The following RANBP17 variants were observed in gnomAD, a reference collection of about 807,000 sequenced individuals.
RANBP17 encodes RAN binding protein 17, also known as ran-binding protein 17.
RANBP17 carries 158 observed loss-of-function variants against 141.2 expected under a neutral mutation model. The observed-to-expected ratio is 1.12, with a 90% CI of 0.98 to 1.28. The LOEUF (loss-of-function observed/expected upper bound fraction) is 1.28, where lower values mean the gene tolerates loss of function less well. RANBP17 is among the 50% of genes most tolerant of loss of function. The probability of loss-of-function intolerance (pLI) is 0.00; values close to 1 mark genes in which losing one functional copy is unlikely to be tolerated. For synonymous variants in RANBP17, 430 were observed against 450.0 expected, an observed-to-expected ratio of 0.96 and a Z score of 0.56; for missense variants, 1,438 against 1,290.7, an observed-to-expected ratio of 1.11 and a Z score of -1.75.
chr5:170,998,643 C>G (rs992284354), intron 14 of RANBP17, among the ~76,000 whole-genome samples: 1 of 152,062 alleles, frequency 6.6e-6, no homozygotes, highest in African/African-American at 2.4e-5. Flanking sequence ...AAAAATAGAC[C>G]TACTGACTAG....
intron 14 of RANBP17, among the ~76,000 whole-genome samples, chr5:171,062,859 C>CT (rs1227503622): frequency 1.3e-5 from 2 of 151,904 alleles, no homozygotes; most frequent in Non-Finnish European, 2.9e-5. Flanking sequence ...TTGTTCGTTT[C>CT]TTTTTATTCT....
At chr5:171,083,560 T>C (rs1434771366) in intron 14 of RANBP17, among the ~76,000 whole-genome samples, 3 of 152,324 alleles carry the variant, frequency 2.0e-5, no homozygotes, top group African/African-American at 4.8e-5. Flanking sequence ...ACTGTGCATG[T>C]CAACTTCTAC....
At chr5:170,958,640 T>C (rs1473187575) in intron 13 of RANBP17, among the ~76,000 whole-genome samples, 1 of 152,166 alleles carries the variant, frequency 6.6e-6, no homozygotes, top group Non-Finnish European at 1.5e-5. Context: ...CTATAAGTTA[T>C]ATATAATAGC....
At chr5:171,099,610 G>C (rs1402251581) in intron 14 of RANBP17, among the ~76,000 whole-genome samples, 1 of 151,940 alleles carries the variant, frequency 6.6e-6, no homozygotes, top group Admixed American at 6.6e-5. Context: ...CTCTTGCCTG[G>C]TTGCCCTGGC....
intron 14 of RANBP17, among the ~76,000 whole-genome samples, chr5:170,971,522 T>C (rs969022697): frequency 6.6e-6 from 1 of 152,210 alleles, no homozygotes; most frequent in African/African-American, 2.4e-5. Flanking sequence ...ACCACTTTGG[T>C]ATATTGCCTC....
intron 14 of RANBP17, among the ~76,000 whole-genome samples, chr5:171,079,197 C>G (rs1785115738): frequency 6.6e-6 from 1 of 152,146 alleles, no homozygotes; most frequent in African/African-American, 2.4e-5. Flanking sequence ...GTGGTTGAAA[C>G]AGCAAGAGAC....
intron 5 of RANBP17, among the ~76,000 whole-genome samples, chr5:170,909,335 G>A (rs976535296): frequency 9.2e-5 from 14 of 151,778 alleles, no homozygotes; most frequent in African/African-American, 3.1e-4. Context: ...TTATCTTGGA[G>A]ATTTCTCATT....
intron 14 of RANBP17, among the ~76,000 whole-genome samples, chr5:171,039,392 TG>T (rs2127632176): frequency 6.6e-6 from 1 of 152,216 alleles, no homozygotes; most frequent in Admixed American, 6.6e-5. Flanking sequence ...GAAAAGTGTC[TG>T]TTCATGTCTT....
intron 24 of RANBP17, among the ~76,000 whole-genome samples, chr5:171,262,927 C>G (rs1159645058): frequency 6.6e-6 from 1 of 152,160 alleles, no homozygotes; most frequent in African/African-American, 2.4e-5. Context: ...ATGCATACGA[C>G]TGTATTTCAA....
intron 14 of RANBP17, among the ~76,000 whole-genome samples, chr5:171,153,368 C>T (rs1758623650): frequency 6.6e-6 from 1 of 151,952 alleles, no homozygotes; most frequent in African/African-American, 2.4e-5. Context: ...TAGTGGCACT[C>T]TTTTTTTTGT....
At chr5:171,215,069 A>ATCCCCCG (rs1561771188) in intron 21 of RANBP17, among the ~76,000 whole-genome samples, 1 of 146,126 alleles carries the variant, frequency 6.8e-6, no homozygotes, top group Non-Finnish European at 1.5e-5. Flanking sequence ...CCCATCCCCC[A>ATCCCCCG]ACAGGCCCCG....
intron 6 of RANBP17, 178 bp downstream of exon 6, chr5:170,909,943 T>A (rs1011626557): frequency 4.4e-6 from 2 of 459,716 alleles, no homozygotes; most frequent in Non-Finnish European, 7.6e-6. Flanking sequence ...TCACTTTTAC[T>A]CACTGGGCAT....
chr5:171,179,789 G>C (rs1760763419), intron 16 of RANBP17, among the ~76,000 whole-genome samples: 1 of 152,028 alleles, frequency 6.6e-6, no homozygotes, highest in South Asian at 2.1e-4. Context: ...TGGTGTTTTA[G>C]ATTTGATTAA....
At chr5:171,163,295 A>G (rs1759472701) in intron 14 of RANBP17, among the ~76,000 whole-genome samples, 1 of 152,226 alleles carries the variant, frequency 6.6e-6, no homozygotes, top group East Asian at 1.9e-4. Context: ...ATATACAGCA[A>G]TGATGTTTGT....
chr5:170,918,600 G>A, intron 9 of RANBP17, 113 bp from the exon 10 acceptor site: 6 of 720,754 alleles, frequency 8.3e-6, no homozygotes, highest in East Asian at 3.0e-5. Context: ...TTGACACAGA[G>A]TATTTTAAGT....
chr5:171,147,540 C>G (rs1447116869), intron 14 of RANBP17, among the ~76,000 whole-genome samples: 3 of 151,394 alleles, frequency 2.0e-5, no homozygotes, highest in East Asian at 3.9e-4. Context: ...CTCAGCCTTC[C>G]GAGTAGCTGG....
chr5:171,129,469 C>T (rs1250868100), intron 14 of RANBP17, among the ~76,000 whole-genome samples: 1 of 152,142 alleles, frequency 6.6e-6, no homozygotes, highest in African/African-American at 2.4e-5. Flanking sequence ...GTATTGCCAC[C>T]ACTCGCTTCA....
intron 3 of RANBP17, among the ~76,000 whole-genome samples, chr5:170,886,491 T>C (rs537980421): frequency 2.9e-4 from 44 of 152,276 alleles, no homozygotes; most frequent in African/African-American, 1.0e-3. Context: ...GGTTGGAACA[T>C]GTACAATCTA....
intron 25 of RANBP17, among the ~76,000 whole-genome samples, chr5:171,293,323 T>G (rs1187625441): frequency 6.6e-6 from 1 of 152,112 alleles, no homozygotes; most frequent in Non-Finnish European, 1.5e-5. Context: ...AACGGATGAG[T>G]AATGTACATG....
Sources: gnomAD v4.1 joint callset for allele counts (sites outside exome capture counted in the v4.1 genomes callset) on GRCh38, gnomAD v4.1.1 for gene constraint, MANE v1.5 for transcripts, NCBI Gene and HGNC (gene_info 2026-07-23, HGNC 2026-07-21) for gene names.